The following KCNMA1 variants were observed in gnomAD, a reference collection of about 807,000 sequenced individuals.
KCNMA1 encodes the protein Calcium-activated potassium channel subunit alpha-1.
A neutral mutation model predicts 140.0 loss-of-function variants in KCNMA1; 29 were observed. The ratio of observed to expected loss-of-function variants is 0.21; its 90% CI spans 0.15 to 0.28. The LOEUF (loss-of-function observed/expected upper bound fraction) is 0.28. Among genes scored for constraint, KCNMA1 ranks in the 10% least tolerant of loss-of-function variants. The pLI is 1.00. For missense variants in KCNMA1, 880 were observed against 1,602.2 expected (o/e 0.55, Z 7.70); for synonymous variants, 612 against 611.9 (o/e 1.00, Z 0.00).
At chr10:76,922,801 G>C (rs1334288810) in intron 23 of KCNMA1, among the ~76,000 whole-genome samples, 1 of 152,070 alleles carries the variant, frequency 6.6e-6, no homozygotes, top group African/African-American at 2.4e-5. Context: ...TTTTGCATTG[G>C]ATTTCACTTG....
chr10:77,062,807 T>C (rs568450255), intron 14 of KCNMA1, among the ~76,000 whole-genome samples: 85 of 152,334 alleles, frequency 5.6e-4, no homozygotes, highest in African/African-American at 1.9e-3. Context: ...TTGATTTGAA[T>C]ATAAAACAAA....
intron 18 of KCNMA1, among the ~76,000 whole-genome samples, chr10:77,011,387 T>C (rs1333866855): frequency 1.3e-5 from 2 of 152,158 alleles, no homozygotes; most frequent in Admixed American, 6.5e-5. Context: ...CAAAGAGCGA[T>C]GATGCTTGAG....
intron 1 of KCNMA1, among the ~76,000 whole-genome samples, chr10:77,409,333 C>A (rs2096568131): frequency 6.6e-6 from 1 of 152,246 alleles, no homozygotes; most frequent in African/African-American, 2.4e-5. Context: ...CTACCACACA[C>A]ACAGTGTACA....
chr10:77,149,936 G>A (rs1267858922), intron 5 of KCNMA1: 2 of 152,160 alleles, frequency 1.3e-5, no homozygotes, highest in African/African-American at 4.8e-5. Context: ...CACTGATGAA[G>A]ATGGATCACA....
rs1302341611 is a variant in KCNMA1 at position 77,314,338 on chromosome 10, ACTGT to A, written c.541-63086_541-63083del. Among the ~76,000 whole-genome samples, 8 of 152,228 alleles carry A rather than the reference ACTGT, an allele frequency of 5.3e-5. No individual in the cohort carries two copies. In the South Asian group the frequency reaches 8.3e-4, roughly 16 times the overall value. ...CAGAAGCAGCCTGTTTCACTTACAGACTGTCTGGCTGCAGGAATTAGGGCAAATC... is the reference window on the plus strand; with the variant it reads ...CAGAAGCAGCCTGTTTCACTTACAGACTGGCTGCAGGAATTAGGGCAAATC... On this transcript the variant is annotated intron_variant, in intron 2 of 27. Coordinates refer to ENST00000286628, the MANE Select transcript of KCNMA1 (RefSeq NM_001161352.2).
chr10:77,115,910 C>T (rs2097450873), intron 6 of KCNMA1, among the ~76,000 whole-genome samples: 1 of 152,186 alleles, frequency 6.6e-6, no homozygotes, highest in African/African-American at 2.4e-5. Context: ...AGGTTAACCC[C>T]TGGTGGGCAT....
chr10:77,273,526 G>T (rs1565645218), intron 2 of KCNMA1, among the ~76,000 whole-genome samples: 1 of 152,222 alleles, frequency 6.6e-6, no homozygotes. Flanking sequence ...AACCTGAAAA[G>T]GTTTGTGGAA....
At chr10:76,995,752 G>T (rs2084096391) in intron 19 of KCNMA1, 1 of 463,654 alleles carries the variant, frequency 2.2e-6, no homozygotes, top group African/African-American at 2.0e-5. Flanking sequence ...ATGTCACCTT[G>T]CATAAGGGCC....
intron 3 of KCNMA1, among the ~76,000 whole-genome samples, chr10:77,196,625 A>G (rs949380221): frequency 1.3e-5 from 2 of 152,220 alleles, no homozygotes; most frequent in Admixed American, 6.5e-5. Flanking sequence ...TCAATCTACT[A>G]AGCCCCCAGA....
chr10:76,878,971 C>T (rs2033381175), intron 29 of KCNMA1, among the ~76,000 whole-genome samples: 1 of 152,170 alleles, frequency 6.6e-6, no homozygotes, highest in Non-Finnish European at 1.5e-5. Flanking sequence ...TCAAGCACGT[C>T]CACTGCTATA....
intron 14 of KCNMA1, among the ~76,000 whole-genome samples, chr10:77,041,977 T>A (rs1254447362): frequency 1.3e-5 from 2 of 152,038 alleles, no homozygotes; most frequent in Admixed American, 6.6e-5. Flanking sequence ...CCAGAAAAAA[T>A]TTAGAAATAA....
At chr10:77,448,729 A>C (rs2097574056) in intron 1 of KCNMA1, among the ~76,000 whole-genome samples, 1 of 152,178 alleles carries the variant, frequency 6.6e-6, no homozygotes, top group African/African-American at 2.4e-5. Context: ...AATCATCAAA[A>C]AGAATTTATG....
chr10:77,263,761 T>G (rs1033937708), intron 2 of KCNMA1, among the ~76,000 whole-genome samples: 1 of 152,130 alleles, frequency 6.6e-6, no homozygotes, highest in African/African-American at 2.4e-5. Flanking sequence ...TGCAGGTGCA[T>G]GCTCACATTC....
chr10:77,527,044 C>G (rs776744578), intron 1 of KCNMA1, among the ~76,000 whole-genome samples: 9 of 152,356 alleles, frequency 5.9e-5, no homozygotes, highest in Non-Finnish European at 1.0e-4. Context: ...GGAAATAATG[C>G]CGACACATAC....
chr10:77,326,379 G>T, intron 2 of KCNMA1, among the ~76,000 whole-genome samples: 1 of 152,236 alleles, frequency 6.6e-6, no homozygotes, highest in East Asian at 1.9e-4. Context: ...TTACACCTCT[G>T]AACCTCATCT....
At chr10:77,425,724 T>A (rs1205113177) in intron 1 of KCNMA1, among the ~76,000 whole-genome samples, 1 of 152,164 alleles carries the variant, frequency 6.6e-6, no homozygotes, top group Non-Finnish European at 1.5e-5. Flanking sequence ...AGAGTCCTAA[T>A]GATTCTGGTA....
At chr10:77,025,558 T>G in intron 16 of KCNMA1, 1 of 950,836 alleles carries the variant, frequency 1.1e-6, no homozygotes, top group Non-Finnish European at 1.6e-6. Flanking sequence ...TCAAATCACT[T>G]GAAGGATGCA....
At chr10:77,580,705 A>G (rs553517567) in intron 1 of KCNMA1, among the ~76,000 whole-genome samples, 2 of 152,332 alleles carry the variant, frequency 1.3e-5, no homozygotes, top group South Asian at 2.1e-4. Flanking sequence ...CAGAGTCCCA[A>G]GCCATAGCAG....
intron 15 of KCNMA1, among the ~76,000 whole-genome samples, chr10:77,033,478 A>G (rs1213965599): frequency 6.6e-6 from 1 of 152,006 alleles, no homozygotes; most frequent in Non-Finnish European, 1.5e-5. Flanking sequence ...TCACACACAC[A>G]CAATCTCCAC....
Sources: gnomAD v4.1 joint callset for allele counts (sites outside exome capture counted in the v4.1 genomes callset) on GRCh38, gnomAD v4.1.1 for gene constraint, MANE v1.5 for transcripts, NCBI Gene and HGNC (gene_info 2026-07-23, HGNC 2026-07-21) for gene names.